FOXP2: variants seen among roughly 807,000 people sequenced by gnomAD.
The protein encoded by FOXP2 is forkhead box P2.
In FOXP2, 12 loss-of-function variants were observed where a neutral mutation model predicts 115.8. That is an observed-to-expected ratio of 0.10 (90% CI 0.07 to 0.17). The LOEUF (loss-of-function observed/expected upper bound fraction) is 0.17. Ranked by LOEUF, FOXP2 falls within the 10% of genes least tolerant of loss-of-function variation. FOXP2 has a pLI of 1.00. For synonymous variants in FOXP2, 328 were observed against 297.7 expected (o/e 1.10, Z -1.05); for missense variants, 629 against 843.5 (o/e 0.75, Z 3.15).
upstream of FOXP2, chr7:114,162,816 A>G (rs987083881): frequency 6.6e-6 from 1 of 152,096 alleles, no homozygotes; most frequent in African/African-American, 2.4e-5. Context: ...TTAACAAGGC[A>G]ATTCTTATAT....
chr7:114,526,337 C>T (rs552698483), intron 2 of FOXP2, among the ~76,000 whole-genome samples: 5 of 151,304 alleles, frequency 3.3e-5, no homozygotes, highest in East Asian at 2.0e-4. Context: ...ATTAGCTGGG[C>T]GTGGAGGCAC....
chr7:114,628,412 T>C, intron 3 of FOXP2, 128 bp from the exon 4 acceptor site: 1 of 1,250,998 alleles, frequency 8.0e-7, no homozygotes, highest in Non-Finnish European at 1.1e-6. Flanking sequence ...TATAGTAAAA[T>C]GTGACGTAAA....
intron 1 of FOXP2, among the ~76,000 whole-genome samples, chr7:114,201,785 A>G (rs887045335): frequency 6.6e-6 from 1 of 152,194 alleles, no homozygotes; most frequent in Admixed American, 6.5e-5. Flanking sequence ...ATTTTTCTGT[A>G]TTTAAGCAAT....
intron 3 of FOXP2, among the ~76,000 whole-genome samples, chr7:114,567,785 T>C (rs769112590): frequency 1.3e-5 from 2 of 152,034 alleles, no homozygotes; most frequent in Non-Finnish European, 2.9e-5. Context: ...GATCAGAGTT[T>C]TATTGCATCT....
intron 16 of FOXP2, among the ~76,000 whole-genome samples, chr7:114,678,384 C>CT (rs1807888142): frequency 6.6e-6 from 1 of 151,918 alleles, no homozygotes; most frequent in East Asian, 1.9e-4. Context: ...AGAGCCGTGT[C>CT]TTATAGCTCA....
intron 1 of FOXP2, among the ~76,000 whole-genome samples, chr7:114,191,114 C>G (rs1020297002): frequency 6.6e-6 from 1 of 152,194 alleles, no homozygotes; most frequent in Non-Finnish European, 1.5e-5. Context: ...ATTCTAACTT[C>G]CGACATTTTG....
intron 1 of FOXP2, among the ~76,000 whole-genome samples, chr7:114,107,065 T>G (rs1159795354): frequency 6.6e-6 from 1 of 151,996 alleles, no homozygotes; most frequent in Non-Finnish European, 1.5e-5. Flanking sequence ...GATAAATGAT[T>G]TCTATGTCAT....
upstream of FOXP2, among the ~76,000 whole-genome samples, chr7:114,412,035 A>T (rs1371082044): frequency 1.3e-5 from 2 of 152,112 alleles, no homozygotes; most frequent in Admixed American, 1.3e-4. Flanking sequence ...CAAAATTACC[A>T]GTGTTATAGT....
intron 2 of FOXP2, among the ~76,000 whole-genome samples, chr7:114,319,380 T>G (rs1326640450): frequency 6.6e-6 from 1 of 152,216 alleles, no homozygotes; most frequent in East Asian, 1.9e-4. Context: ...AGACTCTCTT[T>G]GTATTACAGT....
At chr7:114,351,046 G>A (rs1348010828) in intron 2 of FOXP2, among the ~76,000 whole-genome samples, 1 of 152,102 alleles carries the variant, frequency 6.6e-6, no homozygotes. Flanking sequence ...CAACAAAAAT[G>A]TCTATACATG....
chr7:114,305,660 T>G (rs945006545), intron 2 of FOXP2, among the ~76,000 whole-genome samples: 3 of 152,180 alleles, frequency 2.0e-5, no homozygotes, highest in Non-Finnish European at 4.4e-5. Flanking sequence ...GAAGAGGAAT[T>G]GTTCCTTCTT....
At chr7:114,545,171 A>G (rs376988752) in intron 3 of FOXP2, among the ~76,000 whole-genome samples, 1 of 152,134 alleles carries the variant, frequency 6.6e-6, no homozygotes, top group Non-Finnish European at 1.5e-5. Context: ...TGAACCCCAA[A>G]TTCTATTAAT....
At position 114,212,610 on chromosome 7, in the gene FOXP2, C is replaced by G. The variant is rs574297428; in HGVS notation, c.-102+49522C>G. On this transcript the variant is annotated intron_variant, in intron 1 of 17. Coordinates refer to the FOXP2 transcript ENST00000634411. ...TTAAAATTCAACTTTCAAGTGTGTT[C>G]CGATATATTTTGTCTTTCCTCTTCC... Among the ~76,000 whole-genome samples, 5 of 151,150 alleles carry G rather than the reference C, an allele frequency of 3.3e-5. No individual in the cohort carries two copies. The South Asian group carries it at 1.0e-3, about 32-fold the overall frequency.
chr7:114,383,182 A>T (rs1482692432), intron 2 of FOXP2, among the ~76,000 whole-genome samples: 1 of 152,208 alleles, frequency 6.6e-6, no homozygotes, highest in African/African-American at 2.4e-5. Flanking sequence ...GTCAGATTAA[A>T]GGATTGTCCT....
chr7:114,422,723 T>C (rs570799574), intron 1 of FOXP2, among the ~76,000 whole-genome samples: 1 of 151,758 alleles, frequency 6.6e-6, no homozygotes, highest in South Asian at 2.1e-4. Flanking sequence ...CTTGTCCAGG[T>C]CAAGTTTCAA....
chr7:114,237,191 T>C (rs1440852190), intron 1 of FOXP2, among the ~76,000 whole-genome samples: 1 of 152,184 alleles, frequency 6.6e-6, no homozygotes, highest in Non-Finnish European at 1.5e-5. Context: ...CCCTGAAACA[T>C]TTGTACGAGT....
At chr7:114,332,173 T>A (rs1018641038) in intron 2 of FOXP2, among the ~76,000 whole-genome samples, 2 of 152,156 alleles carry the variant, frequency 1.3e-5, no homozygotes, top group African/African-American at 4.8e-5. Flanking sequence ...TCTAGACTAT[T>A]GCCAATGATG....
chr7:114,263,215 C>T (rs1795804679), intron 1 of FOXP2, among the ~76,000 whole-genome samples: 1 of 152,098 alleles, frequency 6.6e-6, no homozygotes, highest in Non-Finnish European at 1.5e-5. Context: ...ATTTTATTAT[C>T]AGAGTTGCAA....
At chr7:114,435,254 C>A (rs766036557) in intron 2 of FOXP2, among the ~76,000 whole-genome samples, 3 of 152,080 alleles carry the variant, frequency 2.0e-5, no homozygotes, top group Non-Finnish European at 2.9e-5. Flanking sequence ...AGAGGAGGGA[C>A]AGACTCAGTC....
Sources: allele counts gnomAD v4.1 joint callset (sites outside exome capture counted in the v4.1 genomes callset), GRCh38; gene constraint gnomAD v4.1.1; transcripts MANE v1.5; gene names NCBI Gene and HGNC (gene_info 2026-07-23, HGNC 2026-07-21).